Variants in GALNTL6 observed in about 807,000 individuals in gnomAD.
GALNTL6 encodes the protein polypeptide N-acetylgalactosaminyltransferase like 6.
GALNTL6 carries 46 observed loss-of-function variants against 73.7 expected under a neutral mutation model. That is an observed-to-expected ratio of 0.62 (90% CI 0.49 to 0.80). The LOEUF (loss-of-function observed/expected upper bound fraction) is 0.80. Ranked by LOEUF, GALNTL6 falls within the 30% of genes least tolerant of loss-of-function variation. GALNTL6 has a pLI of 0.00. For synonymous variants in GALNTL6, 259 were observed against 263.7 expected, an observed-to-expected ratio of 0.98 and a Z score of 0.17; for missense variants, 604 against 755.0, an observed-to-expected ratio of 0.80 and a Z score of 2.34.
chr4:171,868,386 C>T (rs1344929519), intron 2 of GALNTL6, among the ~76,000 whole-genome samples: 1 of 151,756 alleles, frequency 6.6e-6, no homozygotes, highest in African/African-American at 2.4e-5. Flanking sequence ...ATAGATATCT[C>T]TTTTATTCTT....
At chr4:172,129,205 T>C (rs1002346534) in intron 2 of GALNTL6, among the ~76,000 whole-genome samples, 2 of 152,212 alleles carry the variant, frequency 1.3e-5, no homozygotes, top group Non-Finnish European at 2.9e-5. Flanking sequence ...TTAGCAGCAT[T>C]ACATTATCTT....
intron 5 of GALNTL6, among the ~76,000 whole-genome samples, chr4:172,499,768 T>C (rs1734195802): frequency 6.6e-6 from 1 of 151,888 alleles, no homozygotes; most frequent in Non-Finnish European, 1.5e-5. Flanking sequence ...TTACAACGAG[T>C]AGAAATACTA....
At chr4:172,362,132 G>A (rs527305048) in intron 5 of GALNTL6, among the ~76,000 whole-genome samples, 9 of 152,080 alleles carry the variant, frequency 5.9e-5, no homozygotes, top group African/African-American at 1.4e-4. Flanking sequence ...TACTGCTTAC[G>A]AATATGTGCA....
chr4:172,944,097 G>T (rs1749040871), intron 9 of GALNTL6, among the ~76,000 whole-genome samples: 1 of 152,022 alleles, frequency 6.6e-6, no homozygotes, highest in South Asian at 2.1e-4. Context: ...AATTTCTTAG[G>T]TATGACACCA....
At chr4:172,727,306 A>G (rs1020279610) in intron 5 of GALNTL6, among the ~76,000 whole-genome samples, 3 of 152,174 alleles carry the variant, frequency 2.0e-5, no homozygotes, top group Non-Finnish European at 4.4e-5. Flanking sequence ...TACACCACAC[A>G]ACTTTCTCCC....
At chr4:172,931,503 C>G (rs1262432797) in intron 9 of GALNTL6, among the ~76,000 whole-genome samples, 1 of 152,214 alleles carries the variant, frequency 6.6e-6, no homozygotes, top group Non-Finnish European at 1.5e-5. Context: ...CCATTACCTT[C>G]TGAGGTCTGT....
chr4:172,719,514 T>G, intron 5 of GALNTL6, among the ~76,000 whole-genome samples: 1 of 152,206 alleles, frequency 6.6e-6, no homozygotes, highest in East Asian at 1.9e-4. Context: ...TCTACTTTCC[T>G]TATTGCTACT....
chr4:172,260,949 A>C (rs1738237314), intron 3 of GALNTL6, among the ~76,000 whole-genome samples: 1 of 151,590 alleles, frequency 6.6e-6, no homozygotes, highest in Admixed American at 6.6e-5. Flanking sequence ...CCCTGGTGTG[A>C]AATCCACTTG....
intron 2 of GALNTL6, among the ~76,000 whole-genome samples, chr4:172,225,028 G>T (rs540374059): frequency 2.4e-4 from 37 of 152,168 alleles, no homozygotes; most frequent in African/African-American, 8.9e-4. Context: ...TGAAAAACCG[G>T]AATAGTGCTT....
chr4:171,964,853 G>A (rs186261908), intron 2 of GALNTL6, among the ~76,000 whole-genome samples: 38 of 152,300 alleles, frequency 2.5e-4, no homozygotes, highest in African/African-American at 8.7e-4. Flanking sequence ...TTTCGCAGAG[G>A]CAGCCCATAC....
At chr4:171,949,260 A>G (rs1738794874) in intron 2 of GALNTL6, among the ~76,000 whole-genome samples, 1 of 152,156 alleles carries the variant, frequency 6.6e-6, no homozygotes, top group African/African-American at 2.4e-5. Context: ...TACATTAAGA[A>G]AACAACAAAC....
At chr4:172,895,857 A>G (rs150480430) in intron 8 of GALNTL6, among the ~76,000 whole-genome samples, 7 of 152,176 alleles carry the variant, frequency 4.6e-5, no homozygotes, top group East Asian at 3.9e-4. Context: ...CAAATAGTCT[A>G]TCTTCAAGCT....
At chr4:172,400,319 C>A (rs1743993712) in intron 5 of GALNTL6, among the ~76,000 whole-genome samples, 1 of 152,094 alleles carries the variant, frequency 6.6e-6, no homozygotes, top group Non-Finnish European at 1.5e-5. Context: ...AAAATGAATT[C>A]TAATACATTT....
At chr4:171,931,030 C>T (rs1738168547) in intron 2 of GALNTL6, among the ~76,000 whole-genome samples, 1 of 152,164 alleles carries the variant, frequency 6.6e-6, no homozygotes, top group Non-Finnish European at 1.5e-5. Flanking sequence ...ATCAGAGTAA[C>T]CTGCTAGCTT....
chr4:172,008,275 C>T (rs181966699), intron 2 of GALNTL6, among the ~76,000 whole-genome samples: 6 of 152,170 alleles, frequency 3.9e-5, no homozygotes, highest in Admixed American at 3.3e-4. Flanking sequence ...CAAATTTTAA[C>T]AAGCATCTTG....
At chr4:171,911,644 A>G (rs1026323838) in intron 2 of GALNTL6, among the ~76,000 whole-genome samples, 3 of 152,200 alleles carry the variant, frequency 2.0e-5, no homozygotes. Flanking sequence ...TCAGTCAGGG[A>G]AAGAGGATAA....
intron 2 of GALNTL6, among the ~76,000 whole-genome samples, chr4:171,918,550 C>A (rs998691618): frequency 6.6e-6 from 1 of 151,990 alleles, no homozygotes; most frequent in African/African-American, 2.4e-5. Flanking sequence ...GGTAGGAATG[C>A]AAAATGGTGC....
intron 5 of GALNTL6, among the ~76,000 whole-genome samples, chr4:172,736,980 G>T (rs1383062482): frequency 6.6e-6 from 1 of 152,128 alleles, no homozygotes; most frequent in Non-Finnish European, 1.5e-5. Flanking sequence ...ATGATTGTGA[G>T]GCATCCCCAG....
chr4:172,020,914 G>A (rs929793898), intron 2 of GALNTL6, among the ~76,000 whole-genome samples: 6 of 152,068 alleles, frequency 3.9e-5, no homozygotes, highest in African/African-American at 1.4e-4. Flanking sequence ...CAAAATACTA[G>A]CAACCTGAAT....
Sources: gnomAD v4.1 joint callset for allele counts (sites outside exome capture counted in the v4.1 genomes callset) on GRCh38, gnomAD v4.1.1 for gene constraint, MANE v1.5 for transcripts, NCBI Gene and HGNC (gene_info 2026-07-23, HGNC 2026-07-21) for gene names.